Variants in WDFY4 observed in about 807,000 individuals in gnomAD.
WDFY4 encodes WDFY family member 4.
In WDFY4, 169 loss-of-function variants were observed where a neutral mutation model predicts 351.9. That is an observed-to-expected ratio of 0.48 (90% CI 0.42 to 0.55). WDFY4 has a LOEUF of 0.55. Ranked by LOEUF, WDFY4 falls within the 20% of genes least tolerant of loss-of-function variation. The probability of loss-of-function intolerance (pLI) is 0.00; values close to 1 mark genes in which losing one functional copy is unlikely to be tolerated. For missense variants in WDFY4, 3,803 were observed against 3,935.6 expected (o/e 0.97, Z 0.90); for synonymous variants, 1,622 against 1,574.6 (o/e 1.03, Z -0.71).
At chr10:48,773,038 A>G (rs916205090) in intron 13 of WDFY4, among the ~76,000 whole-genome samples, 2 of 152,150 alleles carry the variant, frequency 1.3e-5, no homozygotes, top group African/African-American at 4.8e-5. Flanking sequence ...GCAGCATGAG[A>G]AAAAAATGCT....
At chr10:48,792,280 T>C (rs1441851156) in intron 23 of WDFY4, among the ~76,000 whole-genome samples, 1 of 152,244 alleles carries the variant, frequency 6.6e-6, no homozygotes, top group Non-Finnish European at 1.5e-5. Flanking sequence ...TTCCCCCAGC[T>C]GAGCATGTGG....
At chr10:48,864,376 G>C (rs989571879) in intron 39 of WDFY4, among the ~76,000 whole-genome samples, 1 of 152,142 alleles carries the variant, frequency 6.6e-6, no homozygotes, top group Non-Finnish European at 1.5e-5. Context: ...CCTTTGTAAA[G>C]AATTAATTGA....
At chr10:48,913,241 C>A in intron 47 of WDFY4, 1 of 739,400 alleles carries the variant, frequency 1.4e-6, no homozygotes, top group Non-Finnish European at 2.3e-6. Flanking sequence ...CACAATCACA[C>A]GCCGAGAAAG....
Position 48,982,935 on chromosome 10 carries a change from A to C in WDFY4, c.*360A>C. The C allele has an allele frequency of 2.8e-6, 1 of 356,624 alleles. No homozygotes were observed. Among genetic ancestry groups the C allele is most frequent in the Non-Finnish European group, 5.6e-6 (1 of 179,990 alleles). 22.1% of individuals were successfully genotyped at this position (356,624 alleles called of 1,614,324 possible). A position where few individuals can be genotyped will look rare whatever the true frequency, so the allele number is the denominator to read the frequency against. On this transcript the variant is annotated 3_prime_UTR_variant, in exon 62 of 62. Coordinates refer to ENST00000325239, the MANE Select transcript of WDFY4 (RefSeq NM_001394531.1). Reference sequence around the variant, plus strand: ...TTATTGTATTGTCTTTATTTTATTAAAGCAACTATGTTTTAAATGCAGAAG... The same window carrying C: ...TTATTGTATTGTCTTTATTTTATTACAGCAACTATGTTTTAAATGCAGAAG...
At chr10:48,969,343 A>T in intron 56 of WDFY4, 95 bp downstream of exon 56, 1 of 1,406,794 alleles carries the variant, frequency 7.1e-7, no homozygotes. Context: ...GTCCAAAGCA[A>T]CCTCGCTCAC....
rs180822373 is a variant in WDFY4, at chr10:48,924,037, C to T, written c.7587-17769C>T. On this transcript the variant is annotated intron_variant, in intron 47 of 61. Transcript: ENST00000325239. Reference sequence around the variant, plus strand: ...CGGAGCTGGCTACAGAGAACTCCTCCGTTAAGGAGCCTCTCTCCAAAGGGC... The same window carrying T: ...CGGAGCTGGCTACAGAGAACTCCTCTGTTAAGGAGCCTCTCTCCAAAGGGC... Among the ~76,000 whole-genome samples, 357 of 152,316 alleles carry T rather than the reference C, an allele frequency of 2.3e-3. 2 individuals are homozygous for T. Among genetic ancestry groups the T allele is most frequent in the African/African-American group, 7.9e-3 (328 of 41,558 alleles).
intron 41 of WDFY4, 72 bp from the exon 42 acceptor site, chr10:48,875,017 G>A (rs906455887): frequency 4.3e-6 from 4 of 930,100 alleles, no homozygotes; most frequent in Non-Finnish European, 4.6e-6. Flanking sequence ...GTGAATCTGT[G>A]GAATTGGAGG....
At chr10:48,722,313 T>C (rs11101441) in intron 4 of WDFY4, among the ~76,000 whole-genome samples, 6,361 of 152,262 alleles carry the variant, frequency 0.042, 211 homozygotes, top group Non-Finnish European at 0.068. Flanking sequence ...GGGGAAGGAC[T>C]CTCTGCAGTC....
rs1344126810 is a variant in WDFY4 at position 48,877,167 on chromosome 10, G to A, written c.7135G>A (p.Val2379Ile). 1.3e-6 allele frequency: 2 copies of A among 1,551,542 alleles called. No individual in the cohort carries two copies. Among genetic ancestry groups the A allele is most frequent in the East Asian group, 2.4e-5 (1 of 40,916 alleles). ...CTTGGAACTGTGTCGGGAAAGACAAGTTATTTTACAAGAGCTTCTTGATAA... is the reference window on the plus strand; with the variant it reads ...CTTGGAACTGTGTCGGGAAAGACAAATTATTTTACAAGAGCTTCTTGATAA... ...DFLELCRERQ[V>I]ILQELLDKEK... is the part of the protein sequence containing the mutation. Residue 2379 changes from valine to isoleucine, a missense_variant, in exon 43 of 62, where the codon GTT becomes ATT. Coordinates refer to ENST00000325239, the MANE Select transcript of WDFY4 (RefSeq NM_001394531.1).
intron 47 of WDFY4, among the ~76,000 whole-genome samples, chr10:48,916,638 A>C (rs1442503489): frequency 1.3e-5 from 2 of 152,216 alleles, no homozygotes; most frequent in African/African-American, 4.8e-5. Flanking sequence ...GGGGGAGAAG[A>C]GATGCTCCTG....
At position 48,822,425 on chromosome 10, in the gene WDFY4, C is replaced by A; in HGVS notation, c.5870C>A (p.Ser1957Tyr). ...AGTGCAGAAGCTGCTGCTGCCCCTT[C>A]TCTTGCCAACATCTCCTGCTTCACC... Reference protein sequence around the residue: ...QPSAEAAAAPSLANISCFTQK... With the variant: ...QPSAEAAAAPYLANISCFTQK... Residue 1957 changes from serine to tyrosine, a missense_variant, in exon 35 of 62, where the codon TCT (serine) becomes TAT (tyrosine). Ser to Tyr is a moderately radical substitution (Grantham distance 144). Around this residue, in one of 3 missense-constraint regions of WDFY4, gnomAD observed 3,054 missense variants for 3,148.6 expected, o/e 0.97. Transcript: ENST00000325239. 6.4e-7 allele frequency: 1 copy of A among 1,551,306 alleles called. No individual in the cohort carries two copies. The highest frequency in any genetic ancestry group is 8.7e-7 in the Non-Finnish European group (1 of 1,146,658).
chr10:48,900,164 TG>T, intron 45 of WDFY4, 56 bp from the exon 46 acceptor site: 1 of 1,479,544 alleles, frequency 6.8e-7, no homozygotes, highest in Non-Finnish European at 9.2e-7. Flanking sequence ...TGTGTCACCC[TG>T]GGGCGTCTCT....
Position 48,854,745 on chromosome 10 carries a change from G to A in WDFY4, c.6664-12520G>A, listed in dbSNP as rs933212842. 3.9e-5 allele frequency among the ~76,000 whole-genome samples: 6 copies of A among 152,128 alleles called. No homozygotes were observed. The South Asian group carries it at 1.0e-3, about 26-fold the overall frequency. ...TTTTCCTATTATCACACTGAAGTTGGGCTGACTGAACCTCCCTACTTTGGG... is the reference window on the plus strand; with the variant it reads ...TTTTCCTATTATCACACTGAAGTTGAGCTGACTGAACCTCCCTACTTTGGG... On this transcript the variant is annotated intron_variant, in intron 39 of 61. Coordinates refer to ENST00000325239, the MANE Select transcript of WDFY4 (RefSeq NM_001394531.1).
intron 12 of WDFY4, among the ~76,000 whole-genome samples, chr10:48,759,034 T>A: frequency 7.0e-6 from 1 of 143,446 alleles, no homozygotes; most frequent in South Asian, 2.3e-4. Context: ...AGAATGTTAA[T>A]GAATATATAT....
At position 48,807,969 on chromosome 10, in the gene WDFY4, C is replaced by T. The variant is rs759813253; in HGVS notation, c.4838+11C>T. On this transcript the variant is annotated intron_variant, in intron 28 of 61. Coordinates refer to ENST00000325239, the MANE Select transcript of WDFY4 (RefSeq NM_001394531.1). ...TCATCTGTCCTCTGAGTAAGTAGCT[C>T]CAGGAAGAGCAATTTGGCAGGAGGT... The T allele has an allele frequency of 4.0e-6, 6 of 1,517,610 alleles. No homozygotes were observed. Among genetic ancestry groups the T allele is most frequent in the South Asian group, 3.8e-5 (3 of 79,036 alleles). The allele number at this position is 1,517,610 out of a possible 1,614,324, so 94.0% of individuals were successfully genotyped here. A position where few individuals can be genotyped will look rare whatever the true frequency, so the allele number is the denominator to read the frequency against.
chr10:48,981,860 T>C (rs1417558780), intron 61 of WDFY4, among the ~76,000 whole-genome samples: 1 of 152,250 alleles, frequency 6.6e-6, no homozygotes, highest in East Asian at 1.9e-4. Context: ...TAACAGAAAG[T>C]GCCTTCTGAG....
chr10:48,792,863 T>C (rs2663035), intron 23 of WDFY4, among the ~76,000 whole-genome samples: 71,042 of 152,044 alleles, frequency 0.47, 19,661 homozygotes, highest in East Asian at 0.84. Flanking sequence ...TCTCATTGCC[T>C]AGTCCTGGGG....
At chr10:48,730,264 G>C (rs1037488962) in intron 8 of WDFY4, among the ~76,000 whole-genome samples, 5 of 152,268 alleles carry the variant, frequency 3.3e-5, no homozygotes, top group African/African-American at 1.2e-4. Flanking sequence ...TGGAAGGCTG[G>C]GTGAGTCTGG....
At chr10:48,714,775 A>C (rs2063855344) in intron 2 of WDFY4, among the ~76,000 whole-genome samples, 1 of 152,244 alleles carries the variant, frequency 6.6e-6, no homozygotes, top group African/African-American at 2.4e-5. Context: ...TTAATGCAAA[A>C]TCTATCAGTG....
Sources: gnomAD v4.1 joint callset for allele counts (sites outside exome capture counted in the v4.1 genomes callset) on GRCh38, gnomAD v4.1.1 for gene constraint, gnomAD v4.1.1 regional missense constraint, MANE v1.5 for transcripts, NCBI Gene and HGNC (gene_info 2026-07-23, HGNC 2026-07-21) for gene names.